DNAJC9: variants seen among roughly 807,000 people sequenced by gnomAD.
The protein encoded by DNAJC9 is dnaJ homolog subfamily C member 9.
DNAJC9 carries 18 observed loss-of-function variants against 32.4 expected under a neutral mutation model. That is an observed-to-expected ratio of 0.56 (90% CI 0.38 to 0.82). The LOEUF is 0.82. DNAJC9 is among the 40% of genes least tolerant of loss of function. The probability of loss-of-function intolerance (pLI) is 0.00; values close to 1 mark genes in which losing one functional copy is unlikely to be tolerated. For synonymous variants in DNAJC9, 113 were observed against 122.1 expected (o/e 0.93, Z 0.49); for missense variants, 310 against 321.8 (o/e 0.96, Z 0.28).
intron 2 of DNAJC9, among the ~76,000 whole-genome samples, chr10:73,232,476 G>A (rs1343251228): frequency 6.6e-6 from 1 of 152,182 alleles, no homozygotes. Context: ...GCTACAGTGG[G>A]AGCCACACTG....
At position 73,243,379 on chromosome 10, in the gene DNAJC9, C is replaced by G; in HGVS notation, c.*21G>C. On this transcript the variant is annotated 3_prime_UTR_variant, in exon 5 of 5. Coordinates refer to ENST00000372950, the MANE Select transcript of DNAJC9 (RefSeq NM_015190.5). ...GATGGCATCAATTTACACCTAAGGA[C>G]CTTTGAAGAGAAAAATTCCATTATT... The G allele has an allele frequency of 6.2e-7, 1 of 1,612,204 alleles. No individual in the cohort carries two copies. Among genetic ancestry groups the G allele is most frequent in the Non-Finnish European group, 8.5e-7 (1 of 1,179,728 alleles).
chr10:73,235,321 A>G (rs2043798174), downstream of DNAJC9: 1 of 1,551,962 alleles, frequency 6.4e-7, no homozygotes, highest in Non-Finnish European at 8.7e-7. Context: ...CATTTTTGGT[A>G]GAGTGACGTA....
downstream of DNAJC9, chr10:73,239,076 C>A (rs956219760): frequency 7.0e-6 from 3 of 428,876 alleles, no homozygotes; most frequent in African/African-American, 2.0e-5. Flanking sequence ...ATTTCCTTAA[C>A]GGCATAGTAA....
downstream of DNAJC9, chr10:73,241,001 A>G: frequency 6.5e-7 from 1 of 1,543,322 alleles, no homozygotes; most frequent in Non-Finnish European, 8.8e-7. Flanking sequence ...CAGTCTCTCG[A>G]ACCAGGCAGG....
At chr10:73,240,439 G>A (rs549010254), downstream of DNAJC9, among the ~76,000 whole-genome samples, 35 of 152,038 alleles carry the variant, frequency 2.3e-4, no homozygotes, top group South Asian at 1.7e-3. Context: ...CTGGCTGGGC[G>A]TGGTGGCTCA....
At chr10:73,239,198 G>C (rs547788915), downstream of DNAJC9, 15 of 802,258 alleles carry the variant, frequency 1.9e-5, no homozygotes, top group African/African-American at 2.4e-4. Context: ...CCCTCAAGTT[G>C]GTAGTCTATG....
At chr10:73,240,301 T>C (rs1326131778), downstream of DNAJC9, among the ~76,000 whole-genome samples, 1 of 152,236 alleles carries the variant, frequency 6.6e-6, no homozygotes, top group East Asian at 1.9e-4. Flanking sequence ...ACCATCTTTG[T>C]AGTCCAAGTG....
chr10:73,238,333 C>A (rs753528229), downstream of DNAJC9, among the ~76,000 whole-genome samples: 2 of 152,046 alleles, frequency 1.3e-5, no homozygotes, highest in Non-Finnish European at 2.9e-5. Context: ...GGCGACAGAG[C>A]GAGAAGACTC....
chr10:73,240,514 C>T (rs954535787), downstream of DNAJC9, among the ~76,000 whole-genome samples: 12 of 152,230 alleles, frequency 7.9e-5, no homozygotes, highest in South Asian at 2.1e-4. Flanking sequence ...ATATTGAGAC[C>T]ATCCTGGCTA....
At position 73,247,000 on chromosome 10, in the gene DNAJC9, C is replaced by A. The variant is rs375307545; in HGVS notation, c.180+10G>T. ...GCAGCCGGTCGGCTTCGGGGCGGGA[C>A]CCTGCATACCTGGAAGCGGCGGGTG... On this transcript the variant is annotated intron_variant, in intron 1 of 4. Transcript: ENST00000372950. 1 of 1,559,150 alleles carries A rather than the reference C, an allele frequency of 6.4e-7. No individual in the cohort carries two copies. Among genetic ancestry groups the A allele is most frequent in the Non-Finnish European group, 8.7e-7 (1 of 1,151,388 alleles).
chr10:73,247,210 C>G lies in DNAJC9; in HGVS notation c.-21G>C, dbSNP rs531527525. The stretch of plus-strand genomic sequence containing the variant: ...CCCATGCCGGGCGGAGATACGACCC[C>G]GGAGGAAGCAGCCGCTCCCAGCTGC... On this transcript the variant is annotated 5_prime_UTR_variant, in exon 1 of 5. Transcript: ENST00000372950. The G allele has an allele frequency of 4.2e-4, 664 of 1,579,360 alleles. 6 individuals are homozygous for G. The South Asian group carries it at 6.6e-3, about 16-fold the overall frequency.
chr10:73,233,379 C>A (rs750606473), intron 2 of DNAJC9, among the ~76,000 whole-genome samples: 1 of 152,138 alleles, frequency 6.6e-6, no homozygotes. Context: ...TCACTCCTGT[C>A]GCCCAGGCTG....
chr10:73,232,857 C>T (rs2043737477), intron 2 of DNAJC9: 1 of 835,242 alleles, frequency 1.2e-6, no homozygotes. Flanking sequence ...AGTTTCTAGT[C>T]TAAGGCTTTT....
Position 73,246,712 on chromosome 10 carries a change from C to T in DNAJC9, c.297G>A (p.Ala99=). The stretch of plus-strand genomic sequence containing the variant: ...CCTTTTTAAAGAGTAGCCGCCAATA[C>T]GCCTCCCAGTCTCGGTCTTGGGTGA... ...PVLTQDRDWE[A]YWRLLFKKIS... Residue 99 remains alanine (A), a synonymous_variant, in exon 2 of 5, where the codon GCG becomes GCA. Transcript: ENST00000372950. The T allele has an allele frequency of 1.2e-6, 2 of 1,613,994 alleles. No homozygotes were observed. The highest frequency in any genetic ancestry group is 1.7e-6 in the Non-Finnish European group (2 of 1,179,898).
chr10:73,239,794 A>T (rs904675029), downstream of DNAJC9, among the ~76,000 whole-genome samples: 4 of 152,176 alleles, frequency 2.6e-5, no homozygotes, highest in Admixed American at 1.3e-4. Context: ...TTGATCAGTT[A>T]ATCTGTTAGG....
chr10:73,241,144 T>C (rs1054257175), downstream of DNAJC9: 6 of 685,776 alleles, frequency 8.7e-6, no homozygotes, highest in Admixed American at 8.6e-5. Context: ...AAGAGTGATT[T>C]TGGCACAAGT....
downstream of DNAJC9, chr10:73,235,557 T>G (rs2043802759): frequency 1.2e-6 from 1 of 818,486 alleles, no homozygotes; most frequent in African/African-American, 1.7e-5. Context: ...ACACTTAAGA[T>G]ATGTCTGACC....
At chr10:73,235,184 C>A, downstream of DNAJC9, 2 of 1,551,386 alleles carry the variant, frequency 1.3e-6, no homozygotes, top group Non-Finnish European at 1.7e-6. Context: ...ACTTTTGTCT[C>A]CTCTGCAGAA....
intron 2 of DNAJC9, chr10:73,233,120 G>T (rs2043748617): frequency 6.4e-7 from 1 of 1,551,768 alleles, no homozygotes; most frequent in East Asian, 2.4e-5. Flanking sequence ...TTCATGTGCT[G>T]AAACACCAAG....
Sources: gnomAD v4.1 joint callset for allele counts (sites outside exome capture counted in the v4.1 genomes callset) on GRCh38, gnomAD v4.1.1 for gene constraint, MANE v1.5 for transcripts, NCBI Gene and HGNC (gene_info 2026-07-23, HGNC 2026-07-21) for gene names.